Variants in GRID1 observed in about 807,000 individuals in gnomAD.
The protein encoded by GRID1 is glutamate ionotropic receptor delta type subunit 1, also known as glutamate receptor ionotropic, delta-1.
Under a neutral mutation model 98.0 loss-of-function variants are expected in GRID1, and 28 were observed. The ratio of observed to expected loss-of-function variants is 0.29; its 90% CI spans 0.21 to 0.39. GRID1 has a LOEUF of 0.39. Ranked by LOEUF, GRID1 falls within the 10% of genes least tolerant of loss-of-function variation. GRID1 has a pLI of 1.00. For missense variants in GRID1, 1,111 were observed against 1,340.5 expected, an observed-to-expected ratio of 0.83 and a Z score of 2.67; for synonymous variants, 553 against 538.5, an observed-to-expected ratio of 1.03 and a Z score of -0.37.
chr10:86,192,816 TCCACAGAA>T lies in GRID1; in HGVS notation c.520+13540_520+13547del, dbSNP rs1845824554. On this transcript the variant is annotated intron_variant, in intron 3 of 15. Transcript: ENST00000327946. This position sits in a 1 kb window ranked among gnomAD's most constrained non-coding sequence, Gnocchi z 4.8. ...TGTTCACACCGATATATGTGGTGAT[TCCACAGAA>T]CCACAGGGGTCTCCAGCAACAAAAT... Among the ~76,000 whole-genome samples the T allele has an allele frequency of 6.6e-6, 1 of 152,036 alleles. No individual in the cohort carries two copies. Among genetic ancestry groups the T allele is most frequent in the Admixed American group, 6.5e-5 (1 of 15,270 alleles).
At chr10:85,879,773 G>C (rs1335918244) in intron 5 of GRID1, among the ~76,000 whole-genome samples, 4 of 152,248 alleles carry the variant, frequency 2.6e-5, no homozygotes, top group East Asian at 1.9e-4. Flanking sequence ...ACTAATATCA[G>C]AGCAGAACTG....
intron 3 of GRID1, among the ~76,000 whole-genome samples, chr10:86,180,243 G>A (rs192245357): frequency 7.9e-5 from 12 of 152,260 alleles, no homozygotes; most frequent in African/African-American, 2.2e-4. Context: ...CCTGGGGCCC[G>A]CAGTGATTGG....
intron 12 of GRID1, among the ~76,000 whole-genome samples, chr10:85,722,656 T>C (rs1590204669): frequency 6.6e-6 from 1 of 152,196 alleles, no homozygotes; most frequent in Middle Eastern, 3.2e-3. Context: ...ATTAGACTTC[T>C]GGTTTAAATT....
intron 4 of GRID1, among the ~76,000 whole-genome samples, chr10:86,009,035 T>C (rs1459305317): frequency 1.3e-5 from 2 of 152,142 alleles, no homozygotes; most frequent in Admixed American, 6.5e-5. Flanking sequence ...TAATATTATA[T>C]AGCATTCAAA....
chr10:85,630,244 A>G (rs1194774155), intron 13 of GRID1, among the ~76,000 whole-genome samples: 1 of 152,204 alleles, frequency 6.6e-6, no homozygotes, highest in Non-Finnish European at 1.5e-5. Context: ...AGGTGGACCA[A>G]GTCTTTCTTT....
intron 2 of GRID1, among the ~76,000 whole-genome samples, chr10:86,333,943 A>C (rs1035901325): frequency 2.0e-5 from 3 of 152,182 alleles, no homozygotes; most frequent in Non-Finnish European, 2.9e-5. Flanking sequence ...TTTAAGGGTC[A>C]ACTGCATAGC....
intron 2 of GRID1, among the ~76,000 whole-genome samples, chr10:86,239,388 G>A (rs1846592050): frequency 6.6e-6 from 1 of 152,202 alleles, no homozygotes; most frequent in African/African-American, 2.4e-5. Flanking sequence ...TGTCTCAGAT[G>A]AGACTTTGGA....
At position 85,613,481 on chromosome 10, in the gene GRID1, G is replaced by A. The variant is rs1206456002; in HGVS notation, c.2527C>T (p.Leu843Phe). Residue 843 changes from leucine (L) to phenylalanine (F), a missense_variant, in exon 15 of 16, where the codon CTC becomes TTC. By Grantham distance (22) the Leu-to-Phe change is conservative. Around this residue, in one of 3 missense-constraint regions of GRID1, gnomAD observed 762 missense variants for 869.1 expected, o/e 0.88. Coordinates refer to ENST00000327946, the MANE Select transcript of GRID1 (RefSeq NM_017551.3). ...AGGGCAGCCACCAGGCAGGCCAGGA[G>A]CAGGCCAATGGCCAGGATGCAGAAG... ...GVFCILAIGL[L>F]LACLVAALEL... is the part of the protein sequence containing the mutation. The A allele has an allele frequency of 9.9e-6, 16 of 1,613,994 alleles. No individual in the cohort carries two copies. The highest frequency in any genetic ancestry group is 1.7e-5 in the Admixed American group (1 of 60,008).
chr10:86,211,269 G>C (rs1043436119), intron 2 of GRID1, among the ~76,000 whole-genome samples: 1 of 152,152 alleles, frequency 6.6e-6, no homozygotes, highest in African/African-American at 2.4e-5. Flanking sequence ...ATAATTCTTT[G>C]CCTCCATATT....
chr10:85,782,247 C>T (rs1039747277), intron 8 of GRID1, among the ~76,000 whole-genome samples: 1 of 151,112 alleles, frequency 6.6e-6, no homozygotes, highest in South Asian at 2.1e-4. Flanking sequence ...CACACACACA[C>T]GCACTTACAC....
At chr10:86,230,246 A>C (rs12356012) in intron 2 of GRID1, among the ~76,000 whole-genome samples, 42,500 of 151,530 alleles carry the variant, frequency 0.28, 6,735 homozygotes, top group Non-Finnish European at 0.38. Flanking sequence ...CCCTACCCCA[A>C]CCCAGACTGG....
intron 2 of GRID1, among the ~76,000 whole-genome samples, chr10:86,361,717 A>G (rs1375115124): frequency 2.6e-5 from 4 of 152,206 alleles, no homozygotes; most frequent in Non-Finnish European, 5.9e-5. Flanking sequence ...ATAGCTTTAA[A>G]TCAAAATTTA....
intron 3 of GRID1, among the ~76,000 whole-genome samples, chr10:86,175,914 G>A (rs1309581612): frequency 6.6e-6 from 1 of 152,228 alleles, no homozygotes; most frequent in Non-Finnish European, 1.5e-5. Flanking sequence ...TCTCCATGTT[G>A]GTCAGGCTGG....
intron 4 of GRID1, among the ~76,000 whole-genome samples, chr10:85,920,366 C>T: frequency 6.6e-6 from 1 of 152,162 alleles, no homozygotes; most frequent in East Asian, 1.9e-4. Flanking sequence ...CGCAAAGTTC[C>T]TCCCGTTCCT....
At chr10:86,010,526 G>C (rs373410340) in intron 4 of GRID1, among the ~76,000 whole-genome samples, 10 of 152,240 alleles carry the variant, frequency 6.6e-5, no homozygotes, top group African/African-American at 2.4e-4. Context: ...AATATGGAAA[G>C]GAAGTAATGA....
intron 2 of GRID1, among the ~76,000 whole-genome samples, chr10:86,306,732 G>A (rs769388608): frequency 2.3e-4 from 35 of 152,164 alleles, no homozygotes; most frequent in Non-Finnish European, 3.7e-4. Context: ...CAGAAACAGA[G>A]ATCCAAAGTC....
chr10:85,856,945 C>T (rs79538588), intron 6 of GRID1, among the ~76,000 whole-genome samples: 1 of 152,094 alleles, frequency 6.6e-6, no homozygotes, highest in South Asian at 2.1e-4. Flanking sequence ...CTAAGGAGGA[C>T]TAGCAACAGA....
intron 2 of GRID1, among the ~76,000 whole-genome samples, chr10:86,311,329 A>G (rs1847829276): frequency 6.6e-6 from 1 of 152,178 alleles, no homozygotes; most frequent in South Asian, 2.1e-4. Context: ...CAGGAGGAGG[A>G]TATCCTGGGG....
intron 8 of GRID1, among the ~76,000 whole-genome samples, chr10:85,737,217 A>G (rs1841891644): frequency 6.6e-6 from 1 of 152,164 alleles, no homozygotes; most frequent in African/African-American, 2.4e-5. Flanking sequence ...AACAAGTCCT[A>G]GAAGGATGTG....
Sources: allele counts gnomAD v4.1 joint callset (sites outside exome capture counted in the v4.1 genomes callset), GRCh38; gene constraint gnomAD v4.1.1; regional missense constraint gnomAD v4.1.1; non-coding constraint Gnocchi (gnomAD v3.1); transcripts MANE v1.5; gene names NCBI Gene and HGNC (gene_info 2026-07-23, HGNC 2026-07-21).